The following ENAH variants were observed in gnomAD, a reference collection of about 807,000 sequenced individuals.
ENAH encodes the protein protein enabled homolog.
In ENAH, 23 loss-of-function variants were observed where a neutral mutation model predicts 78.7. That is an observed-to-expected ratio of 0.29 (90% CI 0.21 to 0.41). ENAH has a LOEUF of 0.41. Among genes scored for constraint, ENAH ranks in the 10% least tolerant of loss-of-function variants. The pLI, the probability that ENAH is intolerant of heterozygous loss-of-function variation, is 1.00. For synonymous variants in ENAH, 226 were observed against 241.0 expected (o/e 0.94, Z 0.58); for missense variants, 544 against 691.0 (o/e 0.79, Z 2.39).
At chr1:225,539,434 T>C (rs2151315121) in intron 3 of ENAH, among the ~76,000 whole-genome samples, 1 of 152,324 alleles carries the variant, frequency 6.6e-6, no homozygotes, top group African/African-American at 2.4e-5. Context: ...ATATAAATGA[T>C]AAACACACAT....
intron 5 of ENAH, chr1:225,517,516 G>C (rs2096430741): frequency 6.4e-7 from 1 of 1,551,710 alleles, no homozygotes; most frequent in Non-Finnish European, 8.7e-7. Flanking sequence ...TGCTGTCGGT[G>C]ATGGAGGCAT....
intron 3 of ENAH, among the ~76,000 whole-genome samples, chr1:225,543,595 G>A (rs1048731321): frequency 5.9e-5 from 9 of 152,128 alleles, no homozygotes; most frequent in African/African-American, 2.2e-4. Flanking sequence ...ACACTGCCTT[G>A]TGGATATTTT....
intron 1 of ENAH, among the ~76,000 whole-genome samples, chr1:225,594,342 T>C (rs984043932): frequency 2.0e-5 from 3 of 152,164 alleles, no homozygotes; most frequent in Non-Finnish European, 4.4e-5. Flanking sequence ...GGGGCAACAG[T>C]CTCTCTTCTC....
At chr1:225,550,774 T>C (rs1233818003) in intron 3 of ENAH, among the ~76,000 whole-genome samples, 1 of 152,198 alleles carries the variant, frequency 6.6e-6, no homozygotes, top group African/African-American at 2.4e-5. Context: ...AGTAGTCTTT[T>C]AGATAATGGT....
At chr1:225,533,223 C>T (rs1451595369) in intron 3 of ENAH, among the ~76,000 whole-genome samples, 1 of 152,066 alleles carries the variant, frequency 6.6e-6, no homozygotes, top group Admixed American at 6.6e-5. Context: ...TCTTGTCAAA[C>T]ATTCTAATGG....
chr1:225,599,463 CTGTGACTTAAAT>C (rs1034973765), intron 1 of ENAH, among the ~76,000 whole-genome samples: 1 of 152,034 alleles, frequency 6.6e-6, no homozygotes. Context: ...GAGTAAAGTG[CTGTGACTTAAAT>C]GGTTTGGATG....
At chr1:225,568,240 A>T (rs1241710801) in intron 1 of ENAH, among the ~76,000 whole-genome samples, 2 of 152,180 alleles carry the variant, frequency 1.3e-5, no homozygotes, top group Non-Finnish European at 2.9e-5. Context: ...AAATAAATAA[A>T]ATAGAGACGC....
intron 7 of ENAH, among the ~76,000 whole-genome samples, chr1:225,514,079 G>A (rs1194504567): frequency 6.6e-6 from 1 of 152,172 alleles, no homozygotes; most frequent in African/African-American, 2.4e-5. Flanking sequence ...ATGTTAATGG[G>A]TGAATGTAGG....
chr1:225,487,911 T>C lies in ENAH; in HGVS notation c.*9864A>G, dbSNP rs888668022. ...TTTTTTCTACTGTGCTGTTCTACTA[T>C]ATACTTTTGGTCTATCAACTTGGTA... On this transcript the variant is annotated 3_prime_UTR_variant, in exon 14 of 14. Transcript: ENST00000366843. 6 of 152,162 alleles carry C rather than the reference T, an allele frequency of 3.9e-5. No individual in the cohort carries two copies. The highest frequency in any genetic ancestry group is 7.2e-5 in the African/African-American group (3 of 41,436). The allele number at this position is 152,162 out of a possible 1,614,324, so 9.4% of individuals were successfully genotyped here.
In ENAH at chr1:225,625,552, C is replaced by T. The variant is rs528287299; in HGVS notation, c.5+27134G>A. 2.0e-4 allele frequency among the ~76,000 whole-genome samples: 30 copies of T among 152,196 alleles called. 1 individual carries two copies. The highest frequency in any genetic ancestry group is 7.0e-4 in the African/African-American group (29 of 41,526). On this transcript the variant is annotated intron_variant, in intron 1 of 13. Transcript: ENST00000366843. ...TTGTTTATTTTTTGAGATGGAATTT[C>T]GCTCTTGTTGCCCAGGCTGCAGTGT...
intron 3 of ENAH, among the ~76,000 whole-genome samples, chr1:225,544,632 T>A (rs2096604819): frequency 6.6e-6 from 1 of 152,250 alleles, no homozygotes; most frequent in African/African-American, 2.4e-5. Flanking sequence ...CAGGACAAGA[T>A]GTCTTAAGTC....
Position 225,518,191 on chromosome 1 carries a change from A to T in ENAH, c.803-885T>A, listed in dbSNP as rs2096436806. ...CTTGTAAATACATTTTGAGATTCAG[A>T]AGGGGATGAAATAAGTTTCCTTTTA... On this transcript the variant is annotated intron_variant, in intron 5 of 13. Transcript: ENST00000366843. Among the ~76,000 whole-genome samples the T allele has an allele frequency of 2.0e-5, 3 of 152,226 alleles. No homozygotes were observed. The South Asian group carries it at 6.2e-4, about 31-fold the overall frequency.
At position 225,568,248 on chromosome 1, in the gene ENAH, C is replaced by T. The variant is rs562498820; in HGVS notation, c.6-834G>A. On this transcript the variant is annotated intron_variant, in intron 1 of 13. Coordinates refer to ENST00000366843, the MANE Select transcript of ENAH (RefSeq NM_018212.6). ...GATACACAAATAAATAAAATAGAGACGCCAGGCACGATGGCTCAATGCCTG... is the reference window on the plus strand; with the variant it reads ...GATACACAAATAAATAAAATAGAGATGCCAGGCACGATGGCTCAATGCCTG... Among the ~76,000 whole-genome samples the T allele has an allele frequency of 8.5e-5, 13 of 152,166 alleles. No homozygotes were observed. The East Asian group carries it at 1.2e-3, about 14-fold the overall frequency.
At chr1:225,529,051 G>A (rs2096525265) in intron 4 of ENAH, among the ~76,000 whole-genome samples, 1 of 151,988 alleles carries the variant, frequency 6.6e-6, no homozygotes, top group African/African-American at 2.4e-5. Context: ...CTTTCTTGTT[G>A]AGCTGCTGTC....
chr1:225,613,240 G>A (rs1405594040), intron 1 of ENAH, among the ~76,000 whole-genome samples: 1 of 152,032 alleles, frequency 6.6e-6, no homozygotes, highest in African/African-American at 2.4e-5. Flanking sequence ...AGCCTTCCGT[G>A]ACCACCCCAA....
chr1:225,545,450 T>C (rs564686117), intron 3 of ENAH, among the ~76,000 whole-genome samples: 60 of 152,340 alleles, frequency 3.9e-4, no homozygotes, highest in East Asian at 5.8e-4. Flanking sequence ...TTTACTGTAC[T>C]AAATAACTAA....
Position 225,610,353 on chromosome 1 carries a change from C to T in ENAH, c.5+42333G>A, listed in dbSNP as rs1344252086. 2.6e-5 allele frequency among the ~76,000 whole-genome samples: 4 copies of T among 152,056 alleles called. No homozygotes were observed. In the East Asian group the frequency reaches 7.7e-4, roughly 29 times the overall value. ...AGTTTACTAGAGCTCAAAGATCAAACAATTAAAACAATATTGCTTTCTGTT... is the reference window on the plus strand; with the variant it reads ...AGTTTACTAGAGCTCAAAGATCAAATAATTAAAACAATATTGCTTTCTGTT... On this transcript the variant is annotated intron_variant, in intron 1 of 13. Coordinates refer to ENST00000366843, the MANE Select transcript of ENAH (RefSeq NM_018212.6).
chr1:225,585,215 C>CAAAAA lies in ENAH; in HGVS notation c.6-17806_6-17802dup, dbSNP rs58586397. 1.0e-4 allele frequency among the ~76,000 whole-genome samples: 5 copies of CAAAAA among 49,932 alleles called. 1 individual carries two copies. The highest frequency in any genetic ancestry group is 3.8e-4 in the Admixed American group (1 of 2,658). 32.8% of individuals were successfully genotyped at this position (49,932 alleles called of 152,430 possible). Reference sequence around the variant, plus strand: ...TGGGCGACGGAGTGATACCCTGTCTCAAAAAAAAAAAAAAAAAAAAAAAAA... The same window carrying CAAAAA: ...TGGGCGACGGAGTGATACCCTGTCTCAAAAAAAAAAAAAAAAAAAAAAAAAAAAAA... On this transcript the variant is annotated intron_variant, in intron 1 of 13. Coordinates refer to ENST00000366843, the MANE Select transcript of ENAH (RefSeq NM_018212.6).
At chr1:225,650,670 G>A (rs904612322) in intron 1 of ENAH, among the ~76,000 whole-genome samples, 2 of 151,730 alleles carry the variant, frequency 1.3e-5, no homozygotes, top group Non-Finnish European at 2.9e-5. Flanking sequence ...CTAACATGGT[G>A]AAACCCCGTC....
Sources: gnomAD v4.1 joint callset for allele counts (sites outside exome capture counted in the v4.1 genomes callset) on GRCh38, gnomAD v4.1.1 for gene constraint, MANE v1.5 for transcripts, NCBI Gene and HGNC (gene_info 2026-07-23, HGNC 2026-07-21) for gene names.